DAB1: variants seen among roughly 807,000 people sequenced by gnomAD.
DAB1 encodes the protein disabled homolog 1.
In DAB1, 15 loss-of-function variants were observed where a neutral mutation model predicts 64.6. That is an observed-to-expected ratio of 0.23 (90% CI 0.16 to 0.36). The LOEUF is 0.36. DAB1 is among the 10% of genes least tolerant of loss of function. The pLI is 1.00. For synonymous variants in DAB1, 235 were observed against 251.9 expected (o/e 0.93, Z 0.64); for missense variants, 596 against 706.7 (o/e 0.84, Z 1.78).
intron 1 of DAB1, among the ~76,000 whole-genome samples, chr1:57,395,181 C>T (rs531288592): frequency 1.3e-5 from 2 of 152,190 alleles, no homozygotes; most frequent in East Asian, 3.9e-4. Flanking sequence ...TGTGCGACCA[C>T]GCTCAGCTAA....
intron 4 of DAB1, among the ~76,000 whole-genome samples, chr1:58,206,032 A>C (rs966684829): frequency 1.3e-5 from 2 of 152,130 alleles, no homozygotes; most frequent in African/African-American, 4.8e-5. Context: ...CAAATATCTG[A>C]GACAGGTCTC....
At chr1:57,445,836 A>T (rs1275427241) in intron 7 of DAB1, among the ~76,000 whole-genome samples, 1 of 152,214 alleles carries the variant, frequency 6.6e-6, no homozygotes, top group Non-Finnish European at 1.5e-5. Flanking sequence ...TTTCTGACTT[A>T]GGGATAACTC....
At chr1:58,235,512 T>G (rs1254005093) in intron 4 of DAB1, among the ~76,000 whole-genome samples, 2 of 152,206 alleles carry the variant, frequency 1.3e-5, no homozygotes, top group Non-Finnish European at 2.9e-5. Context: ...CCCTGAACCC[T>G]AGTTTTGGTT....
At chr1:58,196,481 G>C (rs942731677) in intron 4 of DAB1, among the ~76,000 whole-genome samples, 4 of 152,214 alleles carry the variant, frequency 2.6e-5, no homozygotes, top group African/African-American at 9.6e-5. Context: ...CTAGGGGACA[G>C]GTTATCTTGG....
intron 1 of DAB1, among the ~76,000 whole-genome samples, chr1:57,420,074 C>T (rs1031447777): frequency 5.3e-5 from 8 of 152,264 alleles, no homozygotes; most frequent in Non-Finnish European, 4.4e-5. Context: ...CTGATAGAAA[C>T]TGCCACAGAG....
Position 56,998,043 on chromosome 1 carries a change from C to G in DAB1, c.*101G>C, listed in dbSNP as rs1645697717. 6.6e-6 allele frequency: 1 copy of G among 152,600 alleles called. No homozygotes were observed. Among genetic ancestry groups the G allele is most frequent in the Non-Finnish European group, 1.5e-5 (1 of 68,038 alleles). 9.5% of individuals were successfully genotyped at this position (152,600 alleles called of 1,614,324 possible). On this transcript the variant is annotated 3_prime_UTR_variant, in exon 15 of 15. Transcript: ENST00000371236. The stretch of plus-strand genomic sequence containing the variant: ...AGAGAGCCTGTCGTGATGCTGATGT[C>G]CATGCCAGTCTTGAGCACCCACCAC...
intron 7 of DAB1, among the ~76,000 whole-genome samples, chr1:57,555,170 G>A (rs1305688205): frequency 1.3e-5 from 2 of 151,052 alleles, no homozygotes; most frequent in East Asian, 3.9e-4. Context: ...AAGTAGCTGG[G>A]ACTACAGGCA....
chr1:57,523,371 A>G (rs1644553252), intron 7 of DAB1, among the ~76,000 whole-genome samples: 1 of 152,190 alleles, frequency 6.6e-6, no homozygotes, highest in Non-Finnish European at 1.5e-5. Context: ...CTATTTGTTG[A>G]TAAGCTTCTC....
intron 5 of DAB1, chr1:58,078,085 G>A (rs1277904688): frequency 6.6e-6 from 1 of 152,302 alleles, no homozygotes; most frequent in African/African-American, 2.4e-5. Context: ...TCAGACAACA[G>A]GAAACACCAC....
At chr1:58,421,032 G>A (rs951477723) in intron 3 of DAB1, among the ~76,000 whole-genome samples, 9 of 152,200 alleles carry the variant, frequency 5.9e-5, no homozygotes, top group South Asian at 2.1e-4. Context: ...ATGCCAAGAT[G>A]TTAACTCTTA....
At chr1:57,654,709 T>C (rs4912272) in intron 6 of DAB1, among the ~76,000 whole-genome samples, 121,212 of 151,938 alleles carry the variant, frequency 0.8, 48,595 homozygotes, top group Non-Finnish European at 0.84. Context: ...TTTAAATAAC[T>C]AACTGTTTCA....
intron 5 of DAB1, among the ~76,000 whole-genome samples, chr1:57,955,349 A>T (rs1645367635): frequency 6.6e-6 from 1 of 152,192 alleles, no homozygotes; most frequent in Admixed American, 6.6e-5. Flanking sequence ...CCCCAGAAGG[A>T]CACGTAGCTG....
At chr1:58,177,363 G>C (rs1053187793) in intron 4 of DAB1, among the ~76,000 whole-genome samples, 1 of 152,094 alleles carries the variant, frequency 6.6e-6, no homozygotes, top group African/African-American at 2.4e-5. Context: ...GAATTAAAAT[G>C]CTCCACAAAT....
intron 1 of DAB1, among the ~76,000 whole-genome samples, chr1:58,534,902 C>G (rs1306675084): frequency 6.6e-6 from 1 of 152,116 alleles, no homozygotes; most frequent in East Asian, 1.9e-4. Context: ...CGCCACTGCA[C>G]TCCAACACCA....
At chr1:58,302,473 C>A (rs1276968432) in intron 4 of DAB1, among the ~76,000 whole-genome samples, 3 of 152,084 alleles carry the variant, frequency 2.0e-5, no homozygotes, top group African/African-American at 4.8e-5. Flanking sequence ...TGCAATTTTT[C>A]TTTCCATGGG....
chr1:57,445,205 G>A (rs1249166386), intron 7 of DAB1, among the ~76,000 whole-genome samples: 1 of 151,822 alleles, frequency 6.6e-6, no homozygotes, highest in African/African-American at 2.4e-5. Flanking sequence ...ATACTGAAAT[G>A]GGACTCATCT....
At chr1:57,198,649 TCACACA>T (rs57872654) in intron 2 of DAB1, among the ~76,000 whole-genome samples, 1,906 of 128,324 alleles carry the variant, frequency 0.015, 37 homozygotes, top group Admixed American at 0.036. Context: ...CTTCTCTCTC[TCACACA>T]CACACACACA....
At chr1:58,152,106 A>C (rs1197284972) in intron 4 of DAB1, among the ~76,000 whole-genome samples, 2 of 152,128 alleles carry the variant, frequency 1.3e-5, no homozygotes, top group African/African-American at 4.8e-5. Context: ...ACATCAGGCA[A>C]ATATATGGTA....
At chr1:57,300,127 G>A (rs1326908753) in intron 1 of DAB1, among the ~76,000 whole-genome samples, 1 of 152,110 alleles carries the variant, frequency 6.6e-6, no homozygotes, top group Non-Finnish European at 1.5e-5. Context: ...CTTCCATGTT[G>A]TATTGGCTGG....
Sources: allele counts gnomAD v4.1 joint callset (sites outside exome capture counted in the v4.1 genomes callset), GRCh38; gene constraint gnomAD v4.1.1; transcripts MANE v1.5; gene names NCBI Gene and HGNC (gene_info 2026-07-23, HGNC 2026-07-21).